PARD3B: variants seen among roughly 807,000 people sequenced by gnomAD.
The protein encoded by PARD3B is partitioning defective 3 homolog B.
PARD3B carries 103 observed loss-of-function variants against 130.2 expected under a neutral mutation model. The ratio of observed to expected loss-of-function variants is 0.79; its 90% CI spans 0.67 to 0.93. PARD3B has a LOEUF of 0.93. Ranked by LOEUF, PARD3B falls within the 40% of genes least tolerant of loss-of-function variation. The probability of loss-of-function intolerance (pLI) is 0.00; values close to 1 mark genes in which losing one functional copy is unlikely to be tolerated. For missense variants in PARD3B, 1,609 were observed against 1,499.2 expected, an observed-to-expected ratio of 1.07 and a Z score of -1.21; for synonymous variants, 583 against 553.2, an observed-to-expected ratio of 1.05 and a Z score of -0.76.
At chr2:205,383,611 A>T (rs2045559928) in intron 18 of PARD3B, among the ~76,000 whole-genome samples, 1 of 151,980 alleles carries the variant, frequency 6.6e-6, no homozygotes, top group South Asian at 2.1e-4. Context: ...GATTGTTTTA[A>T]TGTACATACG....
Position 205,530,548 on chromosome 2 carries a change from TCAGAATCTATTACTACAAC to T in PARD3B, c.3181-22775_3181-22757del, listed in dbSNP as rs1463330262. Among the ~76,000 whole-genome samples, 6 of 152,204 alleles carry T rather than the reference TCAGAATCTATTACTACAAC, an allele frequency of 3.9e-5. No individual in the cohort carries two copies. Among genetic ancestry groups the T allele is most frequent in the Non-Finnish European group, 7.3e-5 (5 of 68,038 alleles). The stretch of plus-strand genomic sequence containing the variant: ...TCTGGTTAGTACAATAGCTAAGGGT[TCAGAATCTATTACTACAAC>T]TGCCAGAGATTTGCCCTCTTCGGGT... On this transcript the variant is annotated intron_variant, in intron 21 of 22. Coordinates refer to ENST00000406610, the MANE Select transcript of PARD3B (RefSeq NM_001302769.2). The surrounding 1 kb of genome is among the most constrained non-coding windows in gnomAD (Gnocchi z 4.7).
intron 10 of PARD3B, among the ~76,000 whole-genome samples, chr2:205,148,817 T>G (rs1374588262): frequency 6.6e-6 from 1 of 152,194 alleles, no homozygotes; most frequent in East Asian, 1.9e-4. Flanking sequence ...TAAAGTAAGC[T>G]GCTCACAACA....
At chr2:205,520,066 C>A (rs1490196951) in intron 21 of PARD3B, among the ~76,000 whole-genome samples, 1 of 152,130 alleles carries the variant, frequency 6.6e-6, no homozygotes, top group Non-Finnish European at 1.5e-5. Context: ...CCCACTGCTG[C>A]TCTGGAGAGA....
intron 2 of PARD3B, among the ~76,000 whole-genome samples, chr2:204,930,634 A>G (rs537322464): frequency 2.8e-4 from 43 of 152,116 alleles, no homozygotes; most frequent in Non-Finnish European, 1.2e-4. Context: ...AATGTCCTTG[A>G]CTGCCCTAAA....
intron 2 of PARD3B, among the ~76,000 whole-genome samples, chr2:204,946,669 A>G (rs539528966): frequency 1.3e-5 from 2 of 152,340 alleles, no homozygotes; most frequent in African/African-American, 4.8e-5. Context: ...AGGCTTGTGC[A>G]TGTGTACATA....
intron 2 of PARD3B, among the ~76,000 whole-genome samples, chr2:204,931,597 TG>T (rs1346252548): frequency 6.1e-5 from 8 of 131,828 alleles, no homozygotes; most frequent in East Asian, 4.0e-4. Context: ...AATTAACAAT[TG>T]TTTTTTTTTT....
Position 205,615,799 on chromosome 2 carries a change from A to G in PARD3B, c.3604A>G (p.Thr1202Ala), listed in dbSNP as rs775061003. 10 of 1,613,170 alleles carry G rather than the reference A, an allele frequency of 6.2e-6. No individual in the cohort carries two copies. In the South Asian group the frequency reaches 1.1e-4, roughly 18 times the overall value. Reference protein sequence around the residue: ...TQDSRQKNPMTAAV With the variant: ...TQDSRQKNPMAAAV Reference sequence around the variant, plus strand: ...GGATTCCCGGCAGAAGAACCCCATGACTGCAGCCGTATAGCTGAGTGCCAC... The same window carrying G: ...GGATTCCCGGCAGAAGAACCCCATGGCTGCAGCCGTATAGCTGAGTGCCAC... Residue 1202 changes from threonine to alanine, a missense_variant, in exon 23 of 23, where the codon ACT (threonine) becomes GCT (alanine). By Grantham distance (58) the Thr-to-Ala change is moderately conservative. Coordinates refer to ENST00000406610, the MANE Select transcript of PARD3B (RefSeq NM_001302769.2).
At chr2:204,737,192 G>A (rs1343314689) in intron 2 of PARD3B, among the ~76,000 whole-genome samples, 3 of 152,144 alleles carry the variant, frequency 2.0e-5, no homozygotes, top group African/African-American at 7.2e-5. Flanking sequence ...GGCTGGTCTC[G>A]ACCTCAGGTG....
chr2:205,054,091 A>T (rs1699424019), intron 4 of PARD3B, among the ~76,000 whole-genome samples: 1 of 151,946 alleles, frequency 6.6e-6, no homozygotes, highest in African/African-American at 2.4e-5. Flanking sequence ...TTCATTTGGC[A>T]AGTTTAGGCA....
chr2:204,707,430 A>AT (rs1188659390), intron 2 of PARD3B, among the ~76,000 whole-genome samples: 2 of 151,970 alleles, frequency 1.3e-5, no homozygotes, highest in Non-Finnish European at 2.9e-5. Flanking sequence ...TTTTATATGG[A>AT]TTTTTTTCTA....
At chr2:204,883,375 T>C (rs2125673497) in intron 2 of PARD3B, among the ~76,000 whole-genome samples, 1 of 142,110 alleles carries the variant, frequency 7.0e-6, no homozygotes, top group Non-Finnish European at 1.5e-5. Context: ...TATATTTTCT[T>C]TTTTTATTTT....
intron 21 of PARD3B, among the ~76,000 whole-genome samples, chr2:205,514,752 GCTTT>G (rs2050722112): frequency 6.6e-6 from 1 of 151,252 alleles, no homozygotes; most frequent in Non-Finnish European, 1.5e-5. Flanking sequence ...CATACTCCAG[GCTTT>G]CTTTATTCTC....
chr2:205,053,444 C>T (rs1223976392), intron 4 of PARD3B, among the ~76,000 whole-genome samples: 1 of 151,756 alleles, frequency 6.6e-6, no homozygotes, highest in Non-Finnish European at 1.5e-5. Context: ...TCGAGACCAG[C>T]TGGCCAACAT....
intron 2 of PARD3B, among the ~76,000 whole-genome samples, chr2:204,902,674 A>G (rs77842177): frequency 6.6e-6 from 1 of 151,240 alleles, no homozygotes; most frequent in Admixed American, 6.6e-5. Flanking sequence ...GTCTCAAAAA[A>G]AAAAAAAAAA....
chr2:204,745,549 C>T (rs1232285146), intron 2 of PARD3B, among the ~76,000 whole-genome samples: 1 of 151,890 alleles, frequency 6.6e-6, no homozygotes, highest in African/African-American at 2.4e-5. Context: ...ATTACAGGCA[C>T]CTACCACCAC....
At chr2:205,376,572 G>A (rs552412373) in intron 18 of PARD3B, among the ~76,000 whole-genome samples, 12 of 152,286 alleles carry the variant, frequency 7.9e-5, no homozygotes, top group African/African-American at 2.9e-4. Context: ...GAAATCTAGG[G>A]GTAATGGTGG....
At chr2:205,350,648 G>T (rs767139481) in intron 18 of PARD3B, among the ~76,000 whole-genome samples, 1 of 151,580 alleles carries the variant, frequency 6.6e-6, no homozygotes, top group Non-Finnish European at 1.5e-5. Flanking sequence ...ATATTTTTAT[G>T]GTACCTTAAT....
intron 15 of PARD3B, among the ~76,000 whole-genome samples, chr2:205,211,458 T>C (rs1237982604): frequency 6.6e-6 from 1 of 152,124 alleles, no homozygotes; most frequent in Non-Finnish European, 1.5e-5. Flanking sequence ...CAGTATCTTA[T>C]TTCTGTAGCT....
chr2:205,395,191 C>T (rs2045983566), intron 18 of PARD3B, among the ~76,000 whole-genome samples: 1 of 152,162 alleles, frequency 6.6e-6, no homozygotes, highest in African/African-American at 2.4e-5. Flanking sequence ...ATTACCCAGT[C>T]TATAATGGTT....
Sources: allele counts gnomAD v4.1 joint callset (sites outside exome capture counted in the v4.1 genomes callset), GRCh38; gene constraint gnomAD v4.1.1; non-coding constraint Gnocchi (gnomAD v3.1); transcripts MANE v1.5; gene names NCBI Gene and HGNC (gene_info 2026-07-23, HGNC 2026-07-21).